The following GABBR1 variants were observed in gnomAD, a reference collection of about 807,000 sequenced individuals.
The protein encoded by GABBR1 is gamma-aminobutyric acid type B receptor subunit 1, also known as GABA-B receptor, R1 subunit.
Under a neutral mutation model 117.7 loss-of-function variants are expected in GABBR1, and 35 were observed. The ratio of observed to expected loss-of-function variants is 0.30; its 90% CI spans 0.23 to 0.39. GABBR1 has a LOEUF of 0.39. Among genes scored for constraint, GABBR1 ranks in the 10% least tolerant of loss-of-function variants. The pLI, the probability that GABBR1 is intolerant of heterozygous loss-of-function variation, is 1.00. For missense variants in GABBR1, 709 were observed against 1,241.8 expected (o/e 0.57, Z 6.45); for synonymous variants, 442 against 486.6 (o/e 0.91, Z 1.21).
chr6:29,628,654 G>A (rs1398618421), intron 5 of GABBR1, among the ~76,000 whole-genome samples: 1 of 151,992 alleles, frequency 6.6e-6, no homozygotes, highest in Non-Finnish European at 1.5e-5. Flanking sequence ...GGCCTGGCCA[G>A]GGTTGGGATG....
At position 29,606,581 on chromosome 6, in the gene GABBR1, G is replaced by A. The variant is rs1436940732; in HGVS notation, c.2218-97C>T. 2.3e-6 allele frequency: 2 copies of A among 861,250 alleles called. No individual in the cohort carries two copies. The highest frequency in any genetic ancestry group is 3.6e-5 in the Admixed American group (2 of 56,082). The allele number at this position is 861,250 out of a possible 1,614,324, so 53.4% of individuals were successfully genotyped here. On this transcript the variant is annotated intron_variant, in intron 18 of 22. Coordinates refer to ENST00000377034, the MANE Select transcript of GABBR1 (RefSeq NM_001470.4). The surrounding 1 kb of genome is among the most constrained non-coding windows in gnomAD (Gnocchi z 4.5). Reference sequence around the variant, plus strand: ...CTGGCTTCCAACTGTTTTCCTATGAGACCCTCAATGCTGATGCCAAATCTC... The same window carrying A: ...CTGGCTTCCAACTGTTTTCCTATGAAACCCTCAATGCTGATGCCAAATCTC...
In GABBR1 at chr6:29,611,905, C is replaced by G. The variant is rs1212114825; in HGVS notation, c.1630+646G>C. Among the ~76,000 whole-genome samples, 2 of 152,132 alleles carry G rather than the reference C, an allele frequency of 1.3e-5. No individual in the cohort carries two copies. Among genetic ancestry groups the G allele is most frequent in the East Asian group, 3.8e-4 (2 of 5,196 alleles). ...GCTTTCTTGAGTCTAACTGACAGGT[C>G]ATCAACCTCTCAACCCAAGCCACTC... On this transcript the variant is annotated intron_variant, in intron 13 of 22. Coordinates refer to ENST00000377034, the MANE Select transcript of GABBR1 (RefSeq NM_001470.4). The surrounding 1 kb of genome is among the most constrained non-coding windows in gnomAD (Gnocchi z 4.6).
chr6:29,624,146 T>A, intron 6 of GABBR1, 122 bp from the exon 7 acceptor site: 1 of 986,484 alleles, frequency 1.0e-6, no homozygotes, highest in Non-Finnish European at 1.4e-6. Context: ...CATCATTAAT[T>A]ACCGTTTTCT....
Position 29,630,355 on chromosome 6 carries a change from C to T in GABBR1, c.475+103G>A. On this transcript the variant is annotated intron_variant, in intron 4 of 22. Transcript: ENST00000377034. The surrounding 1 kb of genome is among the most constrained non-coding windows in gnomAD (Gnocchi z 4.9). Reference sequence around the variant, plus strand: ...CTCCCCTTTCCAGTGTCCTCCCCCACATTTTTATAGCTCTCCATTCTTTCC... The same window carrying T: ...CTCCCCTTTCCAGTGTCCTCCCCCATATTTTTATAGCTCTCCATTCTTTCC... 3 of 1,094,726 alleles carry T rather than the reference C, an allele frequency of 2.7e-6. No homozygotes were observed. The highest frequency in any genetic ancestry group is 2.7e-6 in the Non-Finnish European group (2 of 750,356). 67.8% of individuals were successfully genotyped at this position (1,094,726 alleles called of 1,614,324 possible). A position where few individuals can be genotyped will look rare whatever the true frequency, so the allele number is the denominator to read the frequency against.
chr6:29,627,077 T>C lies in GABBR1; in HGVS notation c.657+409A>G, dbSNP rs1015703933. 3.9e-5 allele frequency among the ~76,000 whole-genome samples: 6 copies of C among 152,208 alleles called. No homozygotes were observed. In the South Asian group the frequency reaches 1.0e-3, roughly 26 times the overall value. On this transcript the variant is annotated intron_variant, in intron 6 of 22. Transcript: ENST00000377034. The surrounding 1 kb of genome is among the most constrained non-coding windows in gnomAD (Gnocchi z 4.4). The stretch of plus-strand genomic sequence containing the variant: ...ACGCCAAGATTTTACCTTGTTACCA[T>C]GGTAAATGTAAACCCCCAATCCAGC...
Position 29,604,840 on chromosome 6 carries a change from G to A in GABBR1, c.2568+20C>T, listed in dbSNP as rs750478180. On this transcript the variant is annotated intron_variant, in intron 21 of 22. Coordinates refer to ENST00000377034, the MANE Select transcript of GABBR1 (RefSeq NM_001470.4). This position sits in a 1 kb window ranked among gnomAD's most constrained non-coding sequence, Gnocchi z 5.3. The stretch of plus-strand genomic sequence containing the variant: ...GGGAACATGGGAACAAAGAGGGTGG[G>A]AGAAAAGCCAGATCCTTACCTTGGG... The A allele has an allele frequency of 4.4e-6, 7 of 1,608,792 alleles. No individual in the cohort carries two copies. The highest frequency in any genetic ancestry group is 2.2e-5 in the East Asian group (1 of 44,878).
Position 29,603,226 on chromosome 6 carries a change from T to C in GABBR1, c.*317A>G, listed in dbSNP as rs1761561294. The C allele has an allele frequency of 1.8e-6, 1 of 560,124 alleles. No individual in the cohort carries two copies. The allele number at this position is 560,124 out of a possible 1,614,324, so 34.7% of individuals were successfully genotyped here. ...GTGGTAACTAGAAGAGGGTGTTGCA[T>C]GGGAAGAGAAAGATGCAGTGAGGCT... On this transcript the variant is annotated 3_prime_UTR_variant, in exon 23 of 23. Transcript: ENST00000377034.
rs1420848176 is a variant in GABBR1, at chr6:29,632,794, C to A, written c.-1+56G>T. 4 of 797,162 alleles carry A rather than the reference C, an allele frequency of 5.0e-6. No homozygotes were observed. The highest frequency in any genetic ancestry group is 6.6e-6 in the Non-Finnish European group (4 of 608,846). 49.4% of individuals were successfully genotyped at this position (797,162 alleles called of 1,614,324 possible). A position where few individuals can be genotyped will look rare whatever the true frequency, so the allele number is the denominator to read the frequency against. ...GCCCTGCGCCCACTGCCCCCTCCCC[C>A]ACCACGCCGCGCGCCCCCTCTCCGA... On this transcript the variant is annotated intron_variant, in intron 1 of 22. Transcript: ENST00000377034. The surrounding 1 kb of genome is among the most constrained non-coding windows in gnomAD (Gnocchi z 5.8).
chr6:29,631,690 G>A lies in GABBR1; in HGVS notation c.86-91C>T, dbSNP rs1764992188. ...AGTGGGAGGAAGGGGAGAGTAGGGC[G>A]TGGTCTGTGGGCAGGCTGGGGACAG... is the stretch of plus-strand genomic sequence containing the variant. On this transcript the variant is annotated intron_variant, in intron 2 of 22. Coordinates refer to ENST00000377034, the MANE Select transcript of GABBR1 (RefSeq NM_001470.4). This position sits in a 1 kb window ranked among gnomAD's most constrained non-coding sequence, Gnocchi z 5.9. 2 of 1,143,012 alleles carry A rather than the reference G, an allele frequency of 1.7e-6. No homozygotes were observed. Among genetic ancestry groups the A allele is most frequent in the Non-Finnish European group, 2.6e-6 (2 of 766,794 alleles). 70.8% of individuals were successfully genotyped at this position (1,143,012 alleles called of 1,614,324 possible).
In GABBR1 at chr6:29,602,831, G is replaced by A. The variant is rs56306727; in HGVS notation, c.*712C>T. On this transcript the variant is annotated 3_prime_UTR_variant, in exon 23 of 23. Transcript: ENST00000377034. Reference sequence around the variant, plus strand: ...ACCCATGACCATGAGAGGGGCACACGTAGCTGTGAATGCAGGGCACCCGAG... The same window carrying A: ...ACCCATGACCATGAGAGGGGCACACATAGCTGTGAATGCAGGGCACCCGAG... 4,371 of 360,974 alleles carry A rather than the reference G, an allele frequency of 0.012. 76 individuals are homozygous for A. Among genetic ancestry groups the A allele is most frequent in the African/African-American group, 0.047 (2,190 of 46,922 alleles). The allele number at this position is 360,974 out of a possible 1,614,324, so 22.4% of individuals were successfully genotyped here. A position where few individuals can be genotyped will look rare whatever the true frequency, so the allele number is the denominator to read the frequency against.
chr6:29,611,151 G>A lies in GABBR1; in HGVS notation c.1631-150C>T. 1.7e-6 allele frequency: 1 copy of A among 600,372 alleles called. No homozygotes were observed. Among genetic ancestry groups the A allele is most frequent in the South Asian group, 2.2e-5 (1 of 46,078 alleles). The allele number at this position is 600,372 out of a possible 1,614,324, so 37.2% of individuals were successfully genotyped here. On this transcript the variant is annotated intron_variant, in intron 13 of 22. Coordinates refer to ENST00000377034, the MANE Select transcript of GABBR1 (RefSeq NM_001470.4). The surrounding 1 kb of genome is among the most constrained non-coding windows in gnomAD (Gnocchi z 4.6). ...TAAGGATGCTTGGAAGGACCTACGA[G>A]ACTCTTGAATCAGCAACATGACTTA...
Position 29,612,535 on chromosome 6 carries a change from C to T in GABBR1, c.1630+16G>A, listed in dbSNP as rs1319428300. On this transcript the variant is annotated intron_variant, in intron 13 of 22. Coordinates refer to ENST00000377034, the MANE Select transcript of GABBR1 (RefSeq NM_001470.4). ...CCTAGCCCCCATGTCCGGTCCCCTC[C>T]TGCCCCTGTACTAACCCTGAAGCTG... The T allele has an allele frequency of 6.2e-7, 1 of 1,613,052 alleles. No homozygotes were observed.
Position 29,632,430 on chromosome 6 carries a change from G to A in GABBR1, c.1-45C>T. 1 of 1,306,412 alleles carries A rather than the reference G, an allele frequency of 7.7e-7. No homozygotes were observed. The highest frequency in any genetic ancestry group is 3.2e-5 in the East Asian group (1 of 31,700). 80.9% of individuals were successfully genotyped at this position (1,306,412 alleles called of 1,614,324 possible). A position where few individuals can be genotyped will look rare whatever the true frequency, so the allele number is the denominator to read the frequency against. On this transcript the variant is annotated intron_variant, in intron 1 of 22. Transcript: ENST00000377034. This position sits in a 1 kb window ranked among gnomAD's most constrained non-coding sequence, Gnocchi z 5.8. ...GAGGACTGGACCGAGCCCCGCCGGC[G>A]CGGCCCGCACCCGGAGACTACTCGA...
chr6:29,615,112 C>A (rs948789261), intron 11 of GABBR1, among the ~76,000 whole-genome samples: 1 of 151,410 alleles, frequency 6.6e-6, no homozygotes, highest in African/African-American at 2.4e-5. Context: ...TGGTGAAACC[C>A]CATCTCTACT....
rs766355225 is a variant in GABBR1, at chr6:29,613,290, C to T, written c.1519G>A (p.Asp507Asn). The T allele has an allele frequency of 4.3e-6, 7 of 1,612,820 alleles. No homozygotes were observed. Among genetic ancestry groups the T allele is most frequent in the African/African-American group, 2.7e-5 (2 of 74,908 alleles). Residue 507 changes from aspartate (D) to asparagine (N), a missense_variant, in exon 12 of 23, where the codon GAC becomes AAC. By Grantham distance (23) the Asp-to-Asn change is conservative (BLOSUM62 1). Coordinates refer to ENST00000377034, the MANE Select transcript of GABBR1 (RefSeq NM_001470.4). This position sits in a 1 kb window ranked among gnomAD's most constrained non-coding sequence, Gnocchi z 4.1. ...DFNYNNQTIT[D>N]QIYRAMNSSS... Reference sequence around the variant, plus strand: ...GAGTTCATTGCCCGGTAGATTTGGTCGGTAATGGTCTGGTTGTTGTAGTTG... The same window carrying T: ...GAGTTCATTGCCCGGTAGATTTGGTTGGTAATGGTCTGGTTGTTGTAGTTG...
chr6:29,610,876 T>G (rs750536865), intron 14 of GABBR1, 48 bp downstream of exon 14: 1 of 1,516,314 alleles, frequency 6.6e-7, no homozygotes, highest in Non-Finnish European at 9.2e-7. Flanking sequence ...ACTTTTTCCC[T>G]TGACTGTCGA....
chr6:29,631,006 T>C lies in GABBR1; in HGVS notation c.290-363A>G, dbSNP rs1283320388. Among the ~76,000 whole-genome samples, 1 of 152,240 alleles carries C rather than the reference T, an allele frequency of 6.6e-6. No individual in the cohort carries two copies. The highest frequency in any genetic ancestry group is 2.4e-5 in the African/African-American group (1 of 41,474). The stretch of plus-strand genomic sequence containing the variant: ...TCTTATTATAGTTGGCTTCTATTAA[T>C]ATTAAACTGGCTTTTGTTTCTTGGG... On this transcript the variant is annotated intron_variant, in intron 3 of 22. Coordinates refer to ENST00000377034, the MANE Select transcript of GABBR1 (RefSeq NM_001470.4). This position sits in a 1 kb window ranked among gnomAD's most constrained non-coding sequence, Gnocchi z 5.9.
chr6:29,608,323 C>G, intron 16 of GABBR1: 2 of 349,970 alleles, frequency 5.7e-6, no homozygotes, highest in East Asian at 1.1e-4. Flanking sequence ...AGCAGATCCC[C>G]TTCCTTTGCC....
chr6:29,620,508 C>T lies in GABBR1; in HGVS notation c.1323+593G>A, dbSNP rs894421355. On this transcript the variant is annotated intron_variant, in intron 11 of 22. Coordinates refer to ENST00000377034, the MANE Select transcript of GABBR1 (RefSeq NM_001470.4). The surrounding 1 kb of genome is among the most constrained non-coding windows in gnomAD (Gnocchi z 4.5). ...TTCTGCCCCTCAGCTGCAGGGCTGCCCCAGCCCTCTCAAATCAGAGAATGC... is the reference window on the plus strand; with the variant it reads ...TTCTGCCCCTCAGCTGCAGGGCTGCTCCAGCCCTCTCAAATCAGAGAATGC... 6.6e-6 allele frequency among the ~76,000 whole-genome samples: 1 copy of T among 152,140 alleles called. No homozygotes were observed. Among genetic ancestry groups the T allele is most frequent in the African/African-American group, 2.4e-5 (1 of 41,436 alleles).
Sources: gnomAD v4.1 joint callset for allele counts (sites outside exome capture counted in the v4.1 genomes callset) on GRCh38, gnomAD v4.1.1 for gene constraint, Gnocchi (gnomAD v3.1) non-coding constraint, MANE v1.5 for transcripts, NCBI Gene and HGNC (gene_info 2026-07-23, HGNC 2026-07-21) for gene names.